TMEM82: variants seen among roughly 807,000 people sequenced by gnomAD.
TMEM82 encodes the protein transmembrane protein 82.
In TMEM82, 30 loss-of-function variants were observed where a neutral mutation model predicts 29.2. The ratio of observed to expected loss-of-function variants is 1.03; its 90% CI spans 0.77 to 1.39. The LOEUF is 1.39. Among genes scored for constraint, TMEM82 ranks in the 40% most tolerant of loss-of-function variants. The pLI is 0.00. For missense variants in TMEM82, 442 were observed against 447.7 expected (o/e 0.99, Z 0.12); for synonymous variants, 221 against 225.4 (o/e 0.98, Z 0.18).
chr1:15,745,726 T>C (rs1398233272), intron 4 of TMEM82, among the ~76,000 whole-genome samples: 2 of 151,394 alleles, frequency 1.3e-5, no homozygotes, highest in African/African-American at 4.8e-5. Flanking sequence ...AACCCCCGTC[T>C]CTACTAGAAA....
chr1:15,743,679 C>T (rs994624037), intron 3 of TMEM82, among the ~76,000 whole-genome samples: 7 of 152,166 alleles, frequency 4.6e-5, no homozygotes, highest in East Asian at 1.9e-4. Context: ...GAAGGCTGGG[C>T]GTGGTGGCTC....
intron 4 of TMEM82, among the ~76,000 whole-genome samples, chr1:15,746,242 C>T (rs1969241): frequency 5.3e-5 from 8 of 151,586 alleles, no homozygotes; most frequent in South Asian, 2.1e-4. Flanking sequence ...CCAGCACTTT[C>T]GGAGGCTGAG....
In TMEM82 at chr1:15,744,565, G is replaced by A. The variant is rs1396758244; in HGVS notation, c.742G>A (p.Val248Ile). Residue 248 changes from valine (V) to isoleucine (I), a missense_variant, in exon 4 of 6, where the codon GTC becomes ATC. By Grantham distance (29) the Val-to-Ile change is conservative. Coordinates refer to ENST00000375782, the MANE Select transcript of TMEM82 (RefSeq NM_001013641.3). The surrounding 1 kb of genome is among the most constrained non-coding windows in gnomAD (Gnocchi z 5.2). ...GCTCACCATCTGCTACACGCTGCTG[G>A]TCATCTACATGCAGGGTGAGCGCTG... is the stretch of plus-strand genomic sequence containing the variant. The part of the protein sequence containing the change: ...TPLTICYTLL[V>I]IYMQEEQRQH... 4 of 1,609,704 alleles carry A rather than the reference G, an allele frequency of 2.5e-6. 1 individual carries two copies. The East Asian group carries it at 6.7e-5, about 27-fold the overall frequency.
chr1:15,747,039 C>T lies in TMEM82; in HGVS notation c.930C>T (p.Asp310=), dbSNP rs775928317. The T allele has an allele frequency of 1.3e-6, 2 of 1,591,820 alleles. No individual in the cohort carries two copies. Among genetic ancestry groups the T allele is most frequent in the Non-Finnish European group, 1.7e-6 (2 of 1,163,926 alleles). The part of the protein sequence containing the change: ...WCLVGVRTLL[D]LCQIQDFPSQ... Reference sequence around the variant, plus strand: ...TCGTGGGCGTCCGCACCCTGCTTGACCTCTGCCAGATACAGGTGGGCACCC... The same window carrying T: ...TCGTGGGCGTCCGCACCCTGCTTGATCTCTGCCAGATACAGGTGGGCACCC... The change falls in exon 5 of 6, where the codon GAC becomes GAT. Residue 310 remains aspartate (D), a synonymous_variant. Transcript: ENST00000375782.
intron 5 of TMEM82, 73 bp from the exon 6 acceptor site, chr1:15,747,473 C>T (rs946500078): frequency 2.1e-5 from 27 of 1,311,500 alleles, no homozygotes; most frequent in Middle Eastern, 1.8e-4. Context: ...AGGAAGTGCC[C>T]GGGTCACTGG....
chr1:15,743,185 C>A lies in TMEM82; in HGVS notation c.327C>A (p.Ser109=), dbSNP rs758676382. 1 of 1,607,500 alleles carries A rather than the reference C, an allele frequency of 6.2e-7. No homozygotes were observed. The highest frequency in any genetic ancestry group is 2.2e-5 in the East Asian group (1 of 44,858). Residue 109 remains serine, a synonymous_variant, in exon 3 of 6, where the codon TCC becomes TCA. Coordinates refer to ENST00000375782, the MANE Select transcript of TMEM82 (RefSeq NM_001013641.3). ...TCCGGGCCGTGTCCACGCTGCTGTC[C>A]CTGGGCAAGGTGAGGCCTCCGGGAA... ...FSLRAVSTLL[S]LGKGSQGAAE...
Position 15,747,021 on chromosome 1 carries a change from C to A in TMEM82, c.912C>A (p.Gly304=). 1 of 1,610,996 alleles carries A rather than the reference C, an allele frequency of 6.2e-7. No homozygotes were observed. The highest frequency in any genetic ancestry group is 8.5e-7 in the Non-Finnish European group (1 of 1,179,580). ...TGGGCGAGCTCTGGTGTCTCGTGGG[C>A]GTCCGCACCCTGCTTGACCTCTGCC... ...SLLGELWCLV[G]VRTLLDLCQI... The change falls in exon 5 of 6, where the codon GGC becomes GGA. Residue 304 remains glycine, a synonymous_variant. Transcript: ENST00000375782.
rs761074645 is a variant in TMEM82, at chr1:15,746,410, C to CAAA, written c.758-440_758-438dup. ...CCTGGGCGACAGAGTAAGACTGTCTCAAAAAAAAAAAAAAAAAAAGAACAG... is the reference window on the plus strand; with the variant it reads ...CCTGGGCGACAGAGTAAGACTGTCTCAAAAAAAAAAAAAAAAAAAAAAGAACAG... On this transcript the variant is annotated intron_variant, in intron 4 of 5. Transcript: ENST00000375782. Among the ~76,000 whole-genome samples the CAAA allele has an allele frequency of 4.3e-4, 28 of 64,506 alleles. No individual in the cohort carries two copies. In the East Asian group the frequency reaches 4.7e-3, roughly 11 times the overall value. The allele number at this position is 64,506 out of a possible 152,430, so 42.3% of individuals were successfully genotyped here.
In TMEM82 at chr1:15,743,190, G is replaced by A. The variant is rs751872150; in HGVS notation, c.332G>A (p.Gly111Asp). Residue 111 changes from glycine to aspartate, a missense_variant, in exon 3 of 6, where the codon GGC becomes GAC. By Grantham distance (94) the Gly-to-Asp change is moderately conservative. Coordinates refer to ENST00000375782, the MANE Select transcript of TMEM82 (RefSeq NM_001013641.3). ...GCCGTGTCCACGCTGCTGTCCCTGG[G>A]CAAGGTGAGGCCTCCGGGAAGGCAG... ...LRAVSTLLSL[G>D]KGSQGAAERL... 8.7e-5 allele frequency: 139 copies of A among 1,606,284 alleles called. No individual in the cohort carries two copies. The highest frequency in any genetic ancestry group is 1.2e-4 in the Non-Finnish European group (136 of 1,179,558).
rs779656500 is a variant in TMEM82 at position 15,742,894 on chromosome 1, G to T, written c.148G>T (p.Val50Leu). 2 of 1,612,788 alleles carry T rather than the reference G, an allele frequency of 1.2e-6. No homozygotes were observed. Among genetic ancestry groups the T allele is most frequent in the Admixed American group, 1.7e-5 (1 of 60,006 alleles). ...CAGCCTCCTGAAAGTTTACTTCTTC[G>T]TGGGCTGTGCCAAGTGAGTGCCCAC... Reference protein sequence around the residue: ...LNSLLKVYFFVGCANDPQRRP... With the variant: ...LNSLLKVYFFLGCANDPQRRP... The change falls in exon 2 of 6, where the codon GTG becomes TTG. Residue 50 changes from valine to leucine, a missense_variant. Coordinates refer to ENST00000375782, the MANE Select transcript of TMEM82 (RefSeq NM_001013641.3).
rs772984413 is a variant in TMEM82, at chr1:15,744,149, A to G, written c.337-11A>G. On this transcript the variant is annotated splice_polypyrimidine_tract_variant and intron_variant, in intron 3 of 5. Transcript: ENST00000375782. This position sits in a 1 kb window ranked among gnomAD's most constrained non-coding sequence, Gnocchi z 5.2. ...CCCCACATCTCGGCCCCTCTTCGGC[A>G]CTCCCCGCAGGGCTCCCAGGGTGCC... 20 of 1,511,858 alleles carry G rather than the reference A, an allele frequency of 1.3e-5. No individual in the cohort carries two copies. The highest frequency in any genetic ancestry group is 5.5e-5 in the African/African-American group (4 of 72,690). 93.7% of individuals were successfully genotyped at this position (1,511,858 alleles called of 1,614,324 possible).
intron 3 of TMEM82, among the ~76,000 whole-genome samples, 166 bp downstream of exon 3, chr1:15,743,360 C>A (rs867445244): frequency 6.6e-6 from 1 of 152,234 alleles, no homozygotes; most frequent in African/African-American, 2.4e-5. Flanking sequence ...GGTTTGGTTG[C>A]GGAAGCGGCC....
Position 15,744,676 on chromosome 1 carries a change from C to G in TMEM82, c.757+96C>G, listed in dbSNP as rs1417117222. The stretch of plus-strand genomic sequence containing the variant: ...CGAGAGCCATCAGCCCTCACTCTTG[C>G]CATCCCAGAGAGCCTGGTCAGGACA... On this transcript the variant is annotated intron_variant, in intron 4 of 5. Coordinates refer to ENST00000375782, the MANE Select transcript of TMEM82 (RefSeq NM_001013641.3). The surrounding 1 kb of genome is among the most constrained non-coding windows in gnomAD (Gnocchi z 5.2). The G allele has an allele frequency of 3.6e-6, 5 of 1,400,566 alleles. No homozygotes were observed. The highest frequency in any genetic ancestry group is 4.8e-6 in the Non-Finnish European group (5 of 1,048,094). 86.8% of individuals were successfully genotyped at this position (1,400,566 alleles called of 1,614,324 possible).
In TMEM82 at chr1:15,744,061, C is replaced by T; in HGVS notation, c.337-99C>T. 1 of 1,282,662 alleles carries T rather than the reference C, an allele frequency of 7.8e-7. No individual in the cohort carries two copies. Among genetic ancestry groups the T allele is most frequent in the Non-Finnish European group, 1.0e-6 (1 of 962,584 alleles). 79.5% of individuals were successfully genotyped at this position (1,282,662 alleles called of 1,614,324 possible). On this transcript the variant is annotated intron_variant, in intron 3 of 5. Coordinates refer to ENST00000375782, the MANE Select transcript of TMEM82 (RefSeq NM_001013641.3). This position sits in a 1 kb window ranked among gnomAD's most constrained non-coding sequence, Gnocchi z 5.2. ...GAAGCCGATGTGGCCCCTTCGGGAACCATCCCCAAGGTCCCTTCAGGCTCC... is the reference window on the plus strand; with the variant it reads ...GAAGCCGATGTGGCCCCTTCGGGAATCATCCCCAAGGTCCCTTCAGGCTCC...
In TMEM82 at chr1:15,744,105, G is replaced by A; in HGVS notation, c.337-55G>A. ...AGGCTCCGGCTTCCTGTGGTGGGCA[G>A]CACCTGTGGTGAGGCAGCCCCCACA... On this transcript the variant is annotated intron_variant, in intron 3 of 5. Transcript: ENST00000375782. This position sits in a 1 kb window ranked among gnomAD's most constrained non-coding sequence, Gnocchi z 5.2. The A allele has an allele frequency of 6.9e-7, 1 of 1,441,488 alleles. No homozygotes were observed. The highest frequency in any genetic ancestry group is 1.4e-5 in the South Asian group (1 of 69,280). 89.3% of individuals were successfully genotyped at this position (1,441,488 alleles called of 1,614,324 possible).
Position 15,744,163 on chromosome 1 carries a change from T to C in TMEM82, c.340T>C (p.Ser114Pro). Reference sequence around the variant, plus strand: ...CCCTCTTCGGCACTCCCCGCAGGGCTCCCAGGGTGCCGCCGAGAGGCTGCA... The same window carrying C: ...CCCTCTTCGGCACTCCCCGCAGGGCCCCCAGGGTGCCGCCGAGAGGCTGCA... ...VSTLLSLGKGSQGAAERLQLY... is the reference protein window; with the variant it reads ...VSTLLSLGKGPQGAAERLQLY... Residue 114 changes from serine to proline, a missense_variant, in exon 4 of 6, where the codon TCC becomes CCC. By Grantham distance (74) the Ser-to-Pro change is moderately conservative. Transcript: ENST00000375782. This position sits in a 1 kb window ranked among gnomAD's most constrained non-coding sequence, Gnocchi z 5.2. The C allele has an allele frequency of 6.4e-7, 1 of 1,550,614 alleles. No individual in the cohort carries two copies. The highest frequency in any genetic ancestry group is 8.7e-7 in the Non-Finnish European group (1 of 1,151,702).
Position 15,744,086 on chromosome 1 carries a change from C to T in TMEM82, c.337-74C>T, listed in dbSNP as rs1046513073. ...CCATCCCCAAGGTCCCTTCAGGCTC[C>T]GGCTTCCTGTGGTGGGCAGCACCTG... On this transcript the variant is annotated intron_variant, in intron 3 of 5. Transcript: ENST00000375782. The surrounding 1 kb of genome is among the most constrained non-coding windows in gnomAD (Gnocchi z 5.2). 12 of 1,419,740 alleles carry T rather than the reference C, an allele frequency of 8.5e-6. No individual in the cohort carries two copies. The highest frequency in any genetic ancestry group is 2.8e-5 in the Admixed American group (1 of 35,880). 87.9% of individuals were successfully genotyped at this position (1,419,740 alleles called of 1,614,324 possible).
rs2068298947 is a variant in TMEM82 at position 15,742,653 on chromosome 1, C to T, written c.88+6C>T. 2 of 1,607,882 alleles carry T rather than the reference C, an allele frequency of 1.2e-6. No homozygotes were observed. Among genetic ancestry groups the T allele is most frequent in the African/African-American group, 1.3e-5 (1 of 74,960 alleles). On this transcript the variant is annotated splice_donor_region_variant and intron_variant, in intron 1 of 5. Coordinates refer to ENST00000375782, the MANE Select transcript of TMEM82 (RefSeq NM_001013641.3). ...CCTTGACTCCCTCCTGCAAGGTGAG[C>T]ACCTCGCCCCATTCCTGCCTTGGCC...
rs1185783642 is a variant in TMEM82 at position 15,744,172 on chromosome 1, G to A, written c.349G>A (p.Ala117Thr). 7 of 1,560,662 alleles carry A rather than the reference G, an allele frequency of 4.5e-6. No individual in the cohort carries two copies. The highest frequency in any genetic ancestry group is 6.1e-6 in the Non-Finnish European group (7 of 1,156,498). Residue 117 changes from alanine to threonine, a missense_variant, in exon 4 of 6, where the codon GCC becomes ACC. Transcript: ENST00000375782. This position sits in a 1 kb window ranked among gnomAD's most constrained non-coding sequence, Gnocchi z 5.2. The stretch of plus-strand genomic sequence containing the variant: ...GCACTCCCCGCAGGGCTCCCAGGGT[G>A]CCGCCGAGAGGCTGCAGCTCTACCT... ...LLSLGKGSQG[A>T]AERLQLYLLC...
Sources: gnomAD v4.1 joint callset for allele counts (sites outside exome capture counted in the v4.1 genomes callset) on GRCh38, gnomAD v4.1.1 for gene constraint, Gnocchi (gnomAD v3.1) non-coding constraint, MANE v1.5 for transcripts, NCBI Gene and HGNC (gene_info 2026-07-23, HGNC 2026-07-21) for gene names.